IQCH: variants seen among roughly 807,000 people sequenced by gnomAD.
IQCH encodes the protein IQ domain-containing protein H.
Under a neutral mutation model 117.0 loss-of-function variants are expected in IQCH, and 98 were observed. The observed-to-expected ratio is 0.84, with a 90% CI of 0.71 to 0.99. The LOEUF (loss-of-function observed/expected upper bound fraction) is 0.99. IQCH is among the 50% of genes least tolerant of loss of function. IQCH has a pLI of 0.00. For synonymous variants in IQCH, 412 were observed against 448.2 expected (o/e 0.92, Z 1.02); for missense variants, 1,102 against 1,243.8 (o/e 0.89, Z 1.72).
At position 67,456,643 on chromosome 15, in the gene IQCH, TG is replaced by T. The variant is rs1249126265; in HGVS notation, c.2506-8483del. 6.6e-6 allele frequency among the ~76,000 whole-genome samples: 1 copy of T among 152,230 alleles called. No homozygotes were observed. The highest frequency in any genetic ancestry group is 1.5e-5 in the Non-Finnish European group (1 of 68,044). ...AGACATAACTGTATTAGTATTGTGTTGTATCTGACCGACATGTTCTATTTGG... is the reference window on the plus strand; with the variant it reads ...AGACATAACTGTATTAGTATTGTGTTTATCTGACCGACATGTTCTATTTGG... On this transcript the variant is annotated intron_variant, in intron 16 of 20. Coordinates refer to ENST00000335894, the MANE Select transcript of IQCH (RefSeq NM_001031715.3). The surrounding 1 kb of genome is among the most constrained non-coding windows in gnomAD (Gnocchi z 5.1).
Position 67,359,118 on chromosome 15 carries a change from C to T in IQCH, c.715-729C>T, listed in dbSNP as rs141779439. ...GGCTAATATGCATAATAGGAACAGG[C>T]GGAGGCACCTGTTTTGATTCTCACC... On this transcript the variant is annotated intron_variant, in intron 7 of 20. Coordinates refer to ENST00000335894, the MANE Select transcript of IQCH (RefSeq NM_001031715.3). This position sits in a 1 kb window ranked among gnomAD's most constrained non-coding sequence, Gnocchi z 4.5. Among the ~76,000 whole-genome samples, 310 of 152,274 alleles carry T rather than the reference C, an allele frequency of 2.0e-3. No individual in the cohort carries two copies. Among genetic ancestry groups the T allele is most frequent in the Middle Eastern group, 6.8e-3 (2 of 294 alleles).
Position 67,465,282 on chromosome 15 carries a change from T to G in IQCH, c.2661T>G (p.Ser887Arg). Residue 887 changes from serine to arginine, a missense_variant, in exon 17 of 21, where the codon AGT becomes AGG. Transcript: ENST00000335894. This position sits in a 1 kb window ranked among gnomAD's most constrained non-coding sequence, Gnocchi z 5.9. ...AAAGGAAGAAAACCAAATGCATGAG[T>G]GCGCTGTCAATGCCGGTAAGCAAGA... ...PKERKKTKCM[S>R]ALSMPMLATS... The G allele has an allele frequency of 6.2e-7, 1 of 1,613,560 alleles. No individual in the cohort carries two copies. The highest frequency in any genetic ancestry group is 8.5e-7 in the Non-Finnish European group (1 of 1,179,952).
rs745596111 is a variant in IQCH at position 67,384,263 on chromosome 15, G to T, written c.1373-673G>T. On this transcript the variant is annotated intron_variant, in intron 10 of 20. Transcript: ENST00000335894. The surrounding 1 kb of genome is among the most constrained non-coding windows in gnomAD (Gnocchi z 4.3). ...TGAAATATCAGCAGAAAGTATTTCC[G>T]CTGTTGTTTCTTTTGTGAGAGATTT... Among the ~76,000 whole-genome samples the T allele has an allele frequency of 6.6e-6, 1 of 151,794 alleles. No individual in the cohort carries two copies. The highest frequency in any genetic ancestry group is 1.5e-5 in the Non-Finnish European group (1 of 67,996).
At chr15:67,423,837 G>C (rs1293790256) in intron 16 of IQCH, among the ~76,000 whole-genome samples, 1 of 128,980 alleles carries the variant, frequency 7.8e-6, no homozygotes, top group Non-Finnish European at 1.6e-5. Flanking sequence ...CTGGGTGACA[G>C]AGCCAGATTT....
At chr15:67,478,721 C>G (rs536830205) in intron 18 of IQCH, among the ~76,000 whole-genome samples, 36 of 151,942 alleles carry the variant, frequency 2.4e-4, no homozygotes, top group Admixed American at 2.4e-3. Flanking sequence ...GTCAGGAGAT[C>G]GAGACCATCC....
At chr15:67,487,684 C>T (rs958031209) in intron 18 of IQCH, among the ~76,000 whole-genome samples, 3 of 152,018 alleles carry the variant, frequency 2.0e-5, no homozygotes, top group Non-Finnish European at 4.4e-5. Context: ...AGGTATTAGA[C>T]GACTCTAATG....
intron 4 of IQCH, among the ~76,000 whole-genome samples, chr15:67,316,119 GA>G (rs1967833311): frequency 6.6e-6 from 1 of 152,070 alleles, no homozygotes; most frequent in East Asian, 1.9e-4. Flanking sequence ...CTTGCCTGGG[GA>G]CCTAACCACT....
In IQCH at chr15:67,475,952, T is replaced by G; in HGVS notation, c.2799+134T>G. Reference sequence around the variant, plus strand: ...TGACGTGTCTGTAGAGGAAGGCTGATTGCTGCTTGGGGAAGAGCAGATACG... The same window carrying G: ...TGACGTGTCTGTAGAGGAAGGCTGAGTGCTGCTTGGGGAAGAGCAGATACG... On this transcript the variant is annotated intron_variant, in intron 18 of 20. Coordinates refer to ENST00000335894, the MANE Select transcript of IQCH (RefSeq NM_001031715.3). The surrounding 1 kb of genome is among the most constrained non-coding windows in gnomAD (Gnocchi z 5.7). The G allele has an allele frequency of 1.3e-6, 1 of 754,742 alleles. No homozygotes were observed. Among genetic ancestry groups the G allele is most frequent in the East Asian group, 2.7e-5 (1 of 37,624 alleles). The allele number at this position is 754,742 out of a possible 1,614,324, so 46.8% of individuals were successfully genotyped here.
chr15:67,264,434 A>G (rs973550303), intron 3 of IQCH, among the ~76,000 whole-genome samples: 1 of 152,124 alleles, frequency 6.6e-6, no homozygotes, highest in African/African-American at 2.4e-5. Context: ...GGGCAATCTC[A>G]TCTGAAAACT....
chr15:67,499,673 A>C (rs1429613909), intron 20 of IQCH, among the ~76,000 whole-genome samples: 4 of 152,012 alleles, frequency 2.6e-5, no homozygotes, highest in Non-Finnish European at 4.4e-5. Flanking sequence ...AGGAATATTC[A>C]TAATAGCCAA....
intron 12 of IQCH, among the ~76,000 whole-genome samples, chr15:67,389,411 T>G (rs1971210111): frequency 6.6e-6 from 1 of 152,106 alleles, no homozygotes; most frequent in South Asian, 2.1e-4. Context: ...GTACTCCGTG[T>G]TTTTTCCCCT....
Position 67,395,548 on chromosome 15 carries a change from T to A in IQCH, c.1890T>A (p.Ile630=), listed in dbSNP as rs748775097. 1.9e-6 allele frequency: 3 copies of A among 1,613,896 alleles called. No homozygotes were observed. The South Asian group carries it at 3.3e-5, about 18-fold the overall frequency. ...CAGTTCCTCCTGGAATATATGATAT[T>A]TATAGTCAGCAACAGGTATGTGGGG... ...NVAVPPGIYD[I]YSQQQMIEQL... The change falls in exon 13 of 21, where the codon ATT becomes ATA. Residue 630 remains isoleucine, a synonymous_variant. Coordinates refer to ENST00000335894, the MANE Select transcript of IQCH (RefSeq NM_001031715.3). The surrounding 1 kb of genome is among the most constrained non-coding windows in gnomAD (Gnocchi z 4.0).
intron 4 of IQCH, among the ~76,000 whole-genome samples, chr15:67,279,975 C>T (rs1200488648): frequency 3.3e-5 from 5 of 151,718 alleles, no homozygotes; most frequent in African/African-American, 1.2e-4. Flanking sequence ...GAGATTGTGC[C>T]ACTGCACTCC....
chr15:67,447,103 T>C lies in IQCH; in HGVS notation c.2506-18024T>C, dbSNP rs1163384467. Among the ~76,000 whole-genome samples the C allele has an allele frequency of 6.6e-6, 1 of 152,238 alleles. No individual in the cohort carries two copies. Among genetic ancestry groups the C allele is most frequent in the Non-Finnish European group, 1.5e-5 (1 of 68,032 alleles). On this transcript the variant is annotated intron_variant, in intron 16 of 20. Transcript: ENST00000335894. This position sits in a 1 kb window ranked among gnomAD's most constrained non-coding sequence, Gnocchi z 5.3. ...CTTTGTCCTCGCCCTGCCGCTGAGC[T>C]GTGGAACTTGGCACGTTCTTGGGTT...
At chr15:67,309,889 C>T (rs865829429) in intron 4 of IQCH, among the ~76,000 whole-genome samples, 3 of 149,436 alleles carry the variant, frequency 2.0e-5, no homozygotes, top group Non-Finnish European at 4.4e-5. Context: ...CCTCTTTTGT[C>T]AAGTCAAGAT....
At chr15:67,418,436 A>C (rs1009430514) in intron 15 of IQCH, among the ~76,000 whole-genome samples, 1 of 148,524 alleles carries the variant, frequency 6.7e-6, no homozygotes, top group East Asian at 2.0e-4. Flanking sequence ...TGATTCTGTA[A>C]ATTTCCACAT....
intron 5 of IQCH, among the ~76,000 whole-genome samples, chr15:67,338,275 A>T (rs898220192): frequency 6.9e-6 from 1 of 144,258 alleles, no homozygotes; most frequent in African/African-American, 2.5e-5. Context: ...CAATAGAGAC[A>T]ATAAAAAAAT....
At position 67,390,631 on chromosome 15, in the gene IQCH, G is replaced by A. The variant is rs982566515; in HGVS notation, c.1632+1625G>A. Reference sequence around the variant, plus strand: ...AGCCTCCTGAGTAGCTGGGATTACAGGTGTGTGCCACCACACCCAGCTAAT... The same window carrying A: ...AGCCTCCTGAGTAGCTGGGATTACAAGTGTGTGCCACCACACCCAGCTAAT... On this transcript the variant is annotated intron_variant, in intron 12 of 20. Transcript: ENST00000335894. This position sits in a 1 kb window ranked among gnomAD's most constrained non-coding sequence, Gnocchi z 5.0. Among the ~76,000 whole-genome samples, 2 of 152,188 alleles carry A rather than the reference G, an allele frequency of 1.3e-5. No individual in the cohort carries two copies. The highest frequency in any genetic ancestry group is 1.3e-4 in the Admixed American group (2 of 15,292).
rs2081919337 is a variant in IQCH at position 67,427,439 on chromosome 15, C to T, written c.2505+5862C>T. Among the ~76,000 whole-genome samples the T allele has an allele frequency of 6.6e-6, 1 of 151,332 alleles. No individual in the cohort carries two copies. ...CTATGTTGCCCAGGCTGGTTTTGAA[C>T]TCCTGGCCTTGAGCCATCCTCCTGC... On this transcript the variant is annotated intron_variant, in intron 16 of 20. Coordinates refer to ENST00000335894, the MANE Select transcript of IQCH (RefSeq NM_001031715.3). This position sits in a 1 kb window ranked among gnomAD's most constrained non-coding sequence, Gnocchi z 4.7.
Sources: allele counts gnomAD v4.1 joint callset (sites outside exome capture counted in the v4.1 genomes callset), GRCh38; gene constraint gnomAD v4.1.1; non-coding constraint Gnocchi (gnomAD v3.1); transcripts MANE v1.5; gene names NCBI Gene and HGNC (gene_info 2026-07-23, HGNC 2026-07-21).